The following SHOX variants were observed in gnomAD, a reference collection of about 807,000 sequenced individuals.
The protein encoded by SHOX is short stature homeobox protein.
A neutral mutation model predicts 29.6 loss-of-function variants in SHOX; 12 were observed. That is an observed-to-expected ratio of 0.41 (90% CI 0.26 to 0.66). The LOEUF is 0.66. Among genes scored for constraint, SHOX ranks in the 30% least tolerant of loss-of-function variants. The probability of loss-of-function intolerance (pLI) is 0.35; values close to 1 mark genes in which losing one functional copy is unlikely to be tolerated. For missense variants in SHOX, 499 were observed against 437.7 expected (o/e 1.14, Z -1.25); for synonymous variants, 214 against 200.6 (o/e 1.07, Z -0.57).
intron 2 of SHOX, among the ~76,000 whole-genome samples, chrX:635,872 GA>G (rs1290269179): frequency 6.6e-6 from 1 of 151,806 alleles, no homozygotes; most frequent in East Asian, 1.9e-4. Context: ...GAGAGAGAGA[GA>G]GAGAGAGAGA....
intron 4 of SHOX, among the ~76,000 whole-genome samples, chrX:642,537 G>T (rs113716093): frequency 0.011 from 1,712 of 152,354 alleles, 26 homozygotes; most frequent in African/African-American, 0.039. Flanking sequence ...CAGGCCCGAA[G>T]GAGAGGGGTC....
intron 5 of SHOX, chrX:658,770 T>A: frequency 8.0e-6 from 1 of 124,984 alleles, no homozygotes; most frequent in Non-Finnish European, 1.6e-5. Context: ...GCACTTGGCC[T>A]TTTTTTTTTT....
At position 649,059 on chromosome X, in the gene SHOX, A is replaced by C. The variant is rs1196017073; in HGVS notation, c.*4423A>C. On this transcript the variant is annotated 3_prime_UTR_variant, in exon 5 of 5. Transcript: ENST00000686671. ...TTTTTCTTTCTTCTTTCTTTCTTCGATGAAGTCTCACTCTGTCACCCAGGC... is the reference window on the plus strand; with the variant it reads ...TTTTTCTTTCTTCTTTCTTTCTTCGCTGAAGTCTCACTCTGTCACCCAGGC... Among the ~76,000 whole-genome samples, 1 of 129,632 alleles carries C rather than the reference A, an allele frequency of 7.7e-6. No individual in the cohort carries two copies. Among genetic ancestry groups the C allele is most frequent in the Non-Finnish European group, 1.6e-5 (1 of 63,168 alleles). 85.0% of individuals were successfully genotyped at this position (129,632 alleles called of 152,430 possible).
In SHOX at chrX:644,690, T is replaced by A; in HGVS notation, c.*54T>A. On this transcript the variant is annotated 3_prime_UTR_variant, in exon 5 of 5. Transcript: ENST00000686671. ...ACTCCCGGGCTCCGCGCACCCCGCCTGCACCGCGCGTCCTGCACTCAACCC... is the reference window on the plus strand; with the variant it reads ...ACTCCCGGGCTCCGCGCACCCCGCCAGCACCGCGCGTCCTGCACTCAACCC... 1.5e-6 allele frequency: 2 copies of A among 1,376,030 alleles called. No individual in the cohort carries two copies. Among genetic ancestry groups the A allele is most frequent in the East Asian group, 6.1e-5 (2 of 33,022 alleles). 85.2% of individuals were successfully genotyped at this position (1,376,030 alleles called of 1,614,324 possible). A position where few individuals can be genotyped will look rare whatever the true frequency, so the allele number is the denominator to read the frequency against.
intron 1 of SHOX, chrX:631,775 A>G: frequency 4.9e-6 from 2 of 408,700 alleles, no homozygotes; most frequent in Non-Finnish European, 1.0e-5. Context: ...CAGGTGATCC[A>G]CCCGCCTCGG....
intron 2 of SHOX, among the ~76,000 whole-genome samples, chrX:635,134 C>A (rs186000554): frequency 6.6e-6 from 1 of 151,988 alleles, no homozygotes; most frequent in Admixed American, 6.5e-5. Context: ...ATTTGTTCGT[C>A]CTTGGTGCAA....
At chrX:641,190 C>T (rs2052847787) in intron 4 of SHOX, 103 bp downstream of exon 4, 2 of 1,116,676 alleles carry the variant, frequency 1.8e-6, no homozygotes, top group South Asian at 2.5e-5. Flanking sequence ...CCCTCCCTGC[C>T]CCTGCAGACT....
At position 648,942 on chromosome X, in the gene SHOX, C is replaced by CTTTTCTTTCTTTGTTTCTTTCT. The variant is rs1556471587; in HGVS notation, c.*4318_*4319insGTTTCTTTCTTTTTCTTTCTTT. ...TTTTTCTTTCTTTCTCTCTTTCTTT[C>CTTTTCTTTCTTTGTTTCTTTCT]TTTTCTTTCTTTCTGTTTCTTTCCT... On this transcript the variant is annotated 3_prime_UTR_variant, in exon 5 of 5. Transcript: ENST00000686671. Among the ~76,000 whole-genome samples, 39,770 of 144,458 alleles carry CTTTTCTTTCTTTGTTTCTTTCT rather than the reference C, an allele frequency of 0.28. 6,066 individuals carry two copies. Among genetic ancestry groups the CTTTTCTTTCTTTGTTTCTTTCT allele is most frequent in the Non-Finnish European group, 0.34 (22,435 of 65,636 alleles). The allele number at this position is 144,458 out of a possible 152,430, so 94.8% of individuals were successfully genotyped here.
intron 2 of SHOX, among the ~76,000 whole-genome samples, chrX:636,038 A>G (rs1313630154): frequency 6.6e-6 from 1 of 152,072 alleles, no homozygotes; most frequent in East Asian, 1.9e-4. Context: ...AGGTCAACAC[A>G]TTCAAACACA....
In SHOX at chrX:634,727, G is replaced by A; in HGVS notation, c.387G>A (p.Leu129=). The change falls in exon 2 of 5, where the codon CTG becomes CTA. Residue 129 remains leucine, a synonymous_variant. Coordinates refer to ENST00000686671, the MANE Select transcript of SHOX (RefSeq NM_000451.4). The stretch of plus-strand genomic sequence containing the variant: ...GCACCAACTTCACGCTGGAGCAGCT[G>A]AACGAGCTCGAGCGACTCTTCGACG... ...RSRTNFTLEQ[L]NELERLFDET... The A allele has an allele frequency of 6.2e-7, 1 of 1,613,410 alleles. No homozygotes were observed. The highest frequency in any genetic ancestry group is 8.5e-7 in the Non-Finnish European group (1 of 1,179,704).
At chrX:626,649 C>CTCTCTGTATCTCTGTCTCTG, upstream of SHOX, among the ~76,000 whole-genome samples, 1 of 113,104 alleles carries the variant, frequency 8.8e-6, no homozygotes, top group African/African-American at 3.6e-5. Context: ...TTTCTCTCCT[C>CTCTCTGTATCTCTGTCTCTG]TCTCTCTTTT....
At chrX:653,287 A>C (rs2053094120), downstream of SHOX, among the ~76,000 whole-genome samples, 1 of 152,066 alleles carries the variant, frequency 6.6e-6, no homozygotes, top group Non-Finnish European at 1.5e-5. Flanking sequence ...AATAAAATAA[A>C]ACGTTCAGCT....
chrX:654,211 C>G (rs866086363), downstream of SHOX, among the ~76,000 whole-genome samples: 8 of 151,980 alleles, frequency 5.3e-5, no homozygotes, highest in Middle Eastern at 0.02. Flanking sequence ...GCGAAACAGC[C>G]AGATCCCTTG....
upstream of SHOX, among the ~76,000 whole-genome samples, chrX:627,500 C>T (rs1333897298): frequency 5.3e-5 from 8 of 152,272 alleles, 1 homozygote; most frequent in South Asian, 4.1e-4. Flanking sequence ...AGATCTCTTT[C>T]GCGTAGCCAG....
chrX:656,613 G>A (rs935853312), intron 5 of SHOX, among the ~76,000 whole-genome samples: 6 of 152,082 alleles, frequency 3.9e-5, no homozygotes, highest in Non-Finnish European at 8.8e-5. Flanking sequence ...AGGCCGAGGC[G>A]GGCGGATCAC....
chrX:641,057 C>G lies in SHOX; in HGVS notation c.603C>G (p.Asn201Lys). Reference sequence around the variant, plus strand: ...CCTGCCGAGTGGCACCCTACGTCAACATGGGAGCCTTACGGATGCCTTTCC... The same window carrying G: ...CCTGCCGAGTGGCACCCTACGTCAAGATGGGAGCCTTACGGATGCCTTTCC... Reference protein sequence around the residue: ...LDACRVAPYVNMGALRMPFQQ... With the variant: ...LDACRVAPYVKMGALRMPFQQ... The change falls in exon 4 of 5, where the codon AAC (asparagine) becomes AAG (lysine). Residue 201 changes from asparagine (N) to lysine (K), a missense_variant. Physicochemically the swap from Asn to Lys is moderately conservative, Grantham distance 94 (BLOSUM62 0). Coordinates refer to ENST00000686671, the MANE Select transcript of SHOX (RefSeq NM_000451.4). The G allele has an allele frequency of 6.2e-7, 1 of 1,613,884 alleles. No homozygotes were observed. The highest frequency in any genetic ancestry group is 8.5e-7 in the Non-Finnish European group (1 of 1,179,846).
intron 1 of SHOX, among the ~76,000 whole-genome samples, chrX:632,581 G>A (rs1042149974): frequency 2.6e-5 from 4 of 152,080 alleles, no homozygotes; most frequent in African/African-American, 9.7e-5. Context: ...CATTTGGGGT[G>A]TGGAGTGGCC....
At chrX:652,190 ATGTGTG>A (rs1158192389), downstream of SHOX, among the ~76,000 whole-genome samples, 1 of 151,816 alleles carries the variant, frequency 6.6e-6, no homozygotes, top group Non-Finnish European at 1.5e-5. Flanking sequence ...CCGGCCGGTG[ATGTGTG>A]TGCTTTTAAC....
rs1028485546 is a variant in SHOX at position 650,365 on chromosome X, T to C, written c.*5729T>C. On this transcript the variant is annotated 3_prime_UTR_variant, in exon 5 of 5. Coordinates refer to ENST00000686671, the MANE Select transcript of SHOX (RefSeq NM_000451.4). ...AAGTCCAGCCAGGCCCCCGAAATGG[T>C]CCCATTTCCTTGGAAGCCTGAGTTT... 6.6e-5 allele frequency among the ~76,000 whole-genome samples: 10 copies of C among 152,010 alleles called. No individual in the cohort carries two copies. Among genetic ancestry groups the C allele is most frequent in the Non-Finnish European group, 1.5e-4 (10 of 68,006 alleles).
Sources: gnomAD v4.1 joint callset for allele counts (sites outside exome capture counted in the v4.1 genomes callset) on GRCh38, gnomAD v4.1.1 for gene constraint, MANE v1.5 for transcripts, NCBI Gene and HGNC (gene_info 2026-07-23, HGNC 2026-07-21) for gene names.